UST: variants seen among roughly 807,000 people sequenced by gnomAD.
UST encodes chondroitin sulfate 2-O-sulfotransferase.
UST carries 21 observed loss-of-function variants against 45.6 expected under a neutral mutation model. The ratio of observed to expected loss-of-function variants is 0.46; its 90% CI spans 0.33 to 0.66. The LOEUF (loss-of-function observed/expected upper bound fraction) is 0.66, where lower values mean the gene tolerates loss of function less well. Ranked by LOEUF, UST falls within the 30% of genes least tolerant of loss-of-function variation. The pLI, the probability that UST is intolerant of heterozygous loss-of-function variation, is 0.02. For missense variants in UST, 463 were observed against 512.4 expected (o/e 0.90, Z 0.93); for synonymous variants, 215 against 200.6 (o/e 1.07, Z -0.61).
Position 149,054,062 on chromosome 6 carries a change from T to TC in UST, c.938-19765dup, listed in dbSNP as rs772168559. Among the ~76,000 whole-genome samples the TC allele has an allele frequency of 2.7e-4, 41 of 151,230 alleles. 2 individuals carry two copies. Among genetic ancestry groups the TC allele is most frequent in the Non-Finnish European group, 4.4e-5 (3 of 67,836 alleles). ...GGTTCCCTACCCTATTCTCACCCCATCCCCCCATGCCCAGCAGCTCCCTCC... is the reference window on the plus strand; with the variant it reads ...GGTTCCCTACCCTATTCTCACCCCATCCCCCCCATGCCCAGCAGCTCCCTCC... On this transcript the variant is annotated intron_variant, in intron 7 of 7. Transcript: ENST00000367463.
intron 2 of UST, among the ~76,000 whole-genome samples, chr6:148,904,723 C>T (rs1049250861): frequency 1.3e-5 from 2 of 152,130 alleles, no homozygotes; most frequent in African/African-American, 4.8e-5. Context: ...TGAGTTTCAT[C>T]ATGTTGGACA....
chr6:149,055,726 C>T (rs572238978), intron 7 of UST, among the ~76,000 whole-genome samples: 32 of 152,316 alleles, frequency 2.1e-4, no homozygotes, highest in Middle Eastern at 3.4e-3. Flanking sequence ...CACTCCCACC[C>T]ATGTCTTATC....
chr6:149,063,040 A>G lies in UST; in HGVS notation c.938-10793A>G, dbSNP rs367676707. The stretch of plus-strand genomic sequence containing the variant: ...ATTCTCTACCAACATTGGGTGGCCA[A>G]CTACAGATTTTTATGTCACTGGGGG... On this transcript the variant is annotated intron_variant, in intron 7 of 7. Coordinates refer to ENST00000367463, the MANE Select transcript of UST (RefSeq NM_005715.3). Among the ~76,000 whole-genome samples, 44 of 152,340 alleles carry G rather than the reference A, an allele frequency of 2.9e-4. No homozygotes were observed. In the East Asian group the frequency reaches 5.8e-3, roughly 20 times the overall value.
At chr6:148,999,916 A>G (rs1184006271) in intron 5 of UST, among the ~76,000 whole-genome samples, 1 of 152,258 alleles carries the variant, frequency 6.6e-6, no homozygotes, top group Non-Finnish European at 1.5e-5. Flanking sequence ...GATTGATAGA[A>G]TATAAAAAGA....
chr6:148,815,541 C>G (rs1777338309), intron 1 of UST, among the ~76,000 whole-genome samples: 1 of 151,070 alleles, frequency 6.6e-6, no homozygotes, highest in Admixed American at 6.6e-5. Flanking sequence ...CATGTAGATC[C>G]TCAATAAATA....
intron 1 of UST, among the ~76,000 whole-genome samples, chr6:148,758,978 G>T (rs555937200): frequency 7.2e-5 from 11 of 152,192 alleles, no homozygotes; most frequent in African/African-American, 2.4e-4. Flanking sequence ...AGAGCCATGC[G>T]GCTGGATGGA....
intron 7 of UST, among the ~76,000 whole-genome samples, chr6:149,064,556 T>C (rs1436217263): frequency 6.6e-6 from 1 of 152,222 alleles, no homozygotes; most frequent in Admixed American, 6.5e-5. Flanking sequence ...AACAAATCTT[T>C]GCAGAAAGAG....
intron 2 of UST, among the ~76,000 whole-genome samples, chr6:148,928,235 A>G (rs1008343611): frequency 3.3e-5 from 5 of 151,816 alleles, no homozygotes; most frequent in Non-Finnish European, 7.4e-5. Flanking sequence ...TGTTTCCTTC[A>G]TTTGTTTCTT....
intron 1 of UST, among the ~76,000 whole-genome samples, chr6:148,835,516 A>C (rs539059368): frequency 6.6e-6 from 1 of 152,184 alleles, no homozygotes; most frequent in African/African-American, 2.4e-5. Flanking sequence ...GTCCCTGGTC[A>C]CCTCTTGTCT....
chr6:148,813,971 C>T (rs1333409160), intron 1 of UST, among the ~76,000 whole-genome samples: 2 of 152,170 alleles, frequency 1.3e-5, no homozygotes. Flanking sequence ...ATAACTGTTT[C>T]ATTTTCATGT....
chr6:148,761,523 C>CAAA (rs11386317), intron 1 of UST, among the ~76,000 whole-genome samples: 2 of 144,982 alleles, frequency 1.4e-5, no homozygotes, highest in Admixed American at 6.9e-5. Context: ...GACAACGTGC[C>CAAA]AAAAAAAAAA....
chr6:148,884,132 CAA>C (rs35086035), intron 1 of UST, among the ~76,000 whole-genome samples: 28 of 94,814 alleles, frequency 3.0e-4, no homozygotes, highest in African/African-American at 5.1e-4. Flanking sequence ...GACACCGTCT[CAA>C]AAAAAAAAAA....
At chr6:148,904,114 G>A (rs1412098326) in intron 2 of UST, among the ~76,000 whole-genome samples, 1 of 152,162 alleles carries the variant, frequency 6.6e-6, no homozygotes, top group Non-Finnish European at 1.5e-5. Flanking sequence ...CAGTGTGTTT[G>A]AGGTGAACAC....
At chr6:148,801,783 T>C (rs1423741054) in intron 1 of UST, among the ~76,000 whole-genome samples, 2 of 152,148 alleles carry the variant, frequency 1.3e-5, no homozygotes, top group African/African-American at 4.8e-5. Flanking sequence ...CAACCAAGCT[T>C]GTAATATGAT....
At chr6:149,052,074 A>G (rs939513615) in intron 7 of UST, among the ~76,000 whole-genome samples, 1 of 152,240 alleles carries the variant, frequency 6.6e-6, no homozygotes, top group Non-Finnish European at 1.5e-5. Context: ...ATAAATGCAC[A>G]TGTATACTGT....
intron 1 of UST, among the ~76,000 whole-genome samples, chr6:148,809,243 C>A (rs1451323066): frequency 1.3e-5 from 2 of 152,126 alleles, no homozygotes; most frequent in Non-Finnish European, 2.9e-5. Context: ...TAGGGACAGA[C>A]TTCTCGTGTT....
chr6:149,014,180 G>A (rs1279516584), intron 5 of UST, among the ~76,000 whole-genome samples: 4 of 152,200 alleles, frequency 2.6e-5, no homozygotes, highest in Admixed American at 6.5e-5. Context: ...GGCCTCCAGC[G>A]CAGTGTCTCA....
chr6:148,863,329 C>A (rs1030755723), intron 1 of UST, among the ~76,000 whole-genome samples: 2 of 152,158 alleles, frequency 1.3e-5, no homozygotes, highest in African/African-American at 4.8e-5. Context: ...AGTTCTCATG[C>A]CATGGTTTTC....
chr6:149,019,118 C>T, intron 5 of UST, 21 bp from the exon 6 acceptor site: 1 of 1,560,716 alleles, frequency 6.4e-7, no homozygotes, highest in Non-Finnish European at 8.8e-7. Flanking sequence ...AGACATCTGA[C>T]TGCTGTATTT....
Sources: allele counts gnomAD v4.1 joint callset (sites outside exome capture counted in the v4.1 genomes callset), GRCh38; gene constraint gnomAD v4.1.1; transcripts MANE v1.5; gene names NCBI Gene and HGNC (gene_info 2026-07-23, HGNC 2026-07-21).